The following CATSPERB variants were observed in gnomAD, a reference collection of about 807,000 sequenced individuals.
CATSPERB encodes cation channel sperm-associated auxiliary subunit beta.
In CATSPERB, 93 loss-of-function variants were observed where a neutral mutation model predicts 128.3. That is an observed-to-expected ratio of 0.72 (90% CI 0.61 to 0.86). The LOEUF (loss-of-function observed/expected upper bound fraction) is 0.86, where lower values mean the gene tolerates loss of function less well. Among genes scored for constraint, CATSPERB ranks in the 40% least tolerant of loss-of-function variants. The pLI, the probability that CATSPERB is intolerant of heterozygous loss-of-function variation, is 0.00. For missense variants in CATSPERB, 1,153 were observed against 1,329.5 expected (o/e 0.87, Z 2.06); for synonymous variants, 381 against 448.8 (o/e 0.85, Z 1.91).
intron 17 of CATSPERB, among the ~76,000 whole-genome samples, chr14:91,635,196 G>A (rs1037786975): frequency 6.6e-6 from 1 of 151,958 alleles, no homozygotes; most frequent in Non-Finnish European, 1.5e-5. Flanking sequence ...CCTACCAAGG[G>A]CCCCACCTCC....
intron 13 of CATSPERB, among the ~76,000 whole-genome samples, chr14:91,670,533 T>C (rs1290189141): frequency 6.6e-6 from 1 of 151,454 alleles, no homozygotes; most frequent in Non-Finnish European, 1.5e-5. Context: ...AAATTAAAAA[T>C]TAGCCAGGCA....
chr14:91,704,789 G>T, intron 6 of CATSPERB, 88 bp from the exon 7 acceptor site: 1 of 1,338,156 alleles, frequency 7.5e-7, no homozygotes, highest in Non-Finnish European at 1.0e-6. Context: ...AAAGAACTAT[G>T]TAAAGAAACT....
At chr14:91,693,665 C>T (rs1772437764) in intron 7 of CATSPERB, among the ~76,000 whole-genome samples, 186 bp from the exon 8 acceptor site, 1 of 152,198 alleles carries the variant, frequency 6.6e-6, no homozygotes, top group African/African-American at 2.4e-5. Flanking sequence ...TGATTGACTC[C>T]TAGAATGATT....
chr14:91,693,369 T>C lies in CATSPERB; in HGVS notation c.712+15A>G, dbSNP rs373861054. On this transcript the variant is annotated intron_variant, in intron 8 of 26. Transcript: ENST00000256343. The stretch of plus-strand genomic sequence containing the variant: ...AGTAAAATGCTCAAGATGAAGGCAA[T>C]GTTAGAGGAGTTACCTTCTTGAAGT... The C allele has an allele frequency of 2.3e-5, 37 of 1,598,222 alleles. No individual in the cohort carries two copies. The highest frequency in any genetic ancestry group is 2.8e-5 in the Non-Finnish European group (33 of 1,166,162).
chr14:91,712,995 T>C (rs1369141235), intron 5 of CATSPERB, among the ~76,000 whole-genome samples: 1 of 152,214 alleles, frequency 6.6e-6, no homozygotes, highest in Non-Finnish European at 1.5e-5. Flanking sequence ...TGATGTTGAA[T>C]GAAATGAGGT....
intron 15 of CATSPERB, among the ~76,000 whole-genome samples, chr14:91,645,782 C>A (rs1894588701): frequency 1.4e-5 from 2 of 147,142 alleles, no homozygotes. Flanking sequence ...CAAGCCTGGG[C>A]AATGGTGGGC....
intron 22 of CATSPERB, among the ~76,000 whole-genome samples, chr14:91,597,499 A>G (rs1473267584): frequency 6.6e-6 from 1 of 152,226 alleles, no homozygotes; most frequent in Non-Finnish European, 1.5e-5. Flanking sequence ...AACCTTTATT[A>G]AGAAGTTCTT....
At chr14:91,702,766 C>T (rs961292604) in intron 7 of CATSPERB, among the ~76,000 whole-genome samples, 1 of 151,210 alleles carries the variant, frequency 6.6e-6, no homozygotes, top group African/African-American at 2.4e-5. Flanking sequence ...ATTTGTAATA[C>T]ATTTTATTTG....
At chr14:91,610,708 T>G in intron 20 of CATSPERB, 31 bp from the exon 21 acceptor site, 3 of 1,600,858 alleles carry the variant, frequency 1.9e-6, no homozygotes, top group Non-Finnish European at 2.6e-6. Context: ...GAAGGTTATT[T>G]AAAGTAACTG....
intron 6 of CATSPERB, 31 bp from the exon 7 acceptor site, chr14:91,704,732 G>A (rs2139854885): frequency 6.2e-7 from 1 of 1,600,840 alleles, no homozygotes; most frequent in Non-Finnish European, 8.5e-7. Flanking sequence ...TGTTTAAATT[G>A]TGGGAGCACC....
At chr14:91,611,085 T>C (rs925329185) in intron 20 of CATSPERB, among the ~76,000 whole-genome samples, 1 of 152,080 alleles carries the variant, frequency 6.6e-6, no homozygotes, top group Admixed American at 6.6e-5. Context: ...ACCAAGTCAG[T>C]GGTATTTTGT....
rs777348189 is a variant in CATSPERB at position 91,621,622 on chromosome 14, A to T, written c.2246T>A (p.Ile749Lys). Residue 749 changes from isoleucine (I) to lysine (K), a missense_variant, in exon 19 of 27, where the codon ATA (isoleucine) becomes AAA (lysine). Physicochemically the swap from Ile to Lys is moderately radical, Grantham distance 102. Transcript: ENST00000256343. ...GNSYVLKAKV[I>K]RNAKGFRMLE... ...AACAAACTTACCTTTTGCATTCCGT[A>T]TGACCTTAGCTTTTAAAACATAAGA... The T allele has an allele frequency of 1.9e-6, 3 of 1,593,320 alleles. No individual in the cohort carries two copies. In the East Asian group the frequency reaches 6.7e-5, roughly 36 times the overall value.
At chr14:91,586,554 A>G (rs1893301399) in intron 26 of CATSPERB, among the ~76,000 whole-genome samples, 1 of 128,776 alleles carries the variant, frequency 7.8e-6, no homozygotes, top group Non-Finnish European at 1.6e-5. Context: ...CAGGAGAGAG[A>G]GAGAGAGAGA....
At chr14:91,613,185 C>G (rs894319242) in intron 20 of CATSPERB, among the ~76,000 whole-genome samples, 2 of 151,890 alleles carry the variant, frequency 1.3e-5, no homozygotes, top group African/African-American at 4.8e-5. Context: ...AAATCACATG[C>G]CTGATGTTTG....
At chr14:91,632,547 T>C (rs1894298213) in intron 17 of CATSPERB, among the ~76,000 whole-genome samples, 1 of 152,106 alleles carries the variant, frequency 6.6e-6, no homozygotes. Context: ...ATGTACCTAA[T>C]AACAATCTCA....
Position 91,726,903 on chromosome 14 carries a change from T to C in CATSPERB, c.80-1735A>G, listed in dbSNP as rs533094214. Among the ~76,000 whole-genome samples the C allele has an allele frequency of 1.8e-4, 28 of 152,184 alleles. No homozygotes were observed. In the South Asian group the frequency reaches 3.1e-3, roughly 17 times the overall value. On this transcript the variant is annotated intron_variant, in intron 2 of 26. Coordinates refer to ENST00000256343, the MANE Select transcript of CATSPERB (RefSeq NM_024764.4). ...GAGCAGGAAGGGTCAAAACCTAAAG[T>C]TGATGAGACAATGAAAAGGAATCTA... is the stretch of plus-strand genomic sequence containing the variant.
chr14:91,669,734 G>T, intron 14 of CATSPERB, 80 bp downstream of exon 14: 2 of 1,354,682 alleles, frequency 1.5e-6, no homozygotes, highest in Non-Finnish European at 2.0e-6. Context: ...GAGAAGCTCT[G>T]TTCTTAATGT....
intron 3 of CATSPERB, among the ~76,000 whole-genome samples, chr14:91,724,290 C>A (rs1329632703): frequency 6.6e-6 from 1 of 152,216 alleles, no homozygotes; most frequent in East Asian, 1.9e-4. Flanking sequence ...AAGACTGGAC[C>A]CCAGCTCTGT....
At chr14:91,653,128 G>A (rs996930715) in intron 15 of CATSPERB, among the ~76,000 whole-genome samples, 10 of 152,118 alleles carry the variant, frequency 6.6e-5, no homozygotes, top group South Asian at 2.1e-4. Context: ...CAGAAACTTC[G>A]TCATTTAAAA....
Sources: gnomAD v4.1 joint callset for allele counts (sites outside exome capture counted in the v4.1 genomes callset) on GRCh38, gnomAD v4.1.1 for gene constraint, MANE v1.5 for transcripts, NCBI Gene and HGNC (gene_info 2026-07-23, HGNC 2026-07-21) for gene names.